Variants in ATP1B3 observed in about 807,000 individuals in gnomAD.
ATP1B3 encodes ATPase Na+/K+ transporting subunit beta 3.
ATP1B3 carries 10 observed loss-of-function variants against 30.2 expected under a neutral mutation model. The observed-to-expected ratio is 0.33, with a 90% CI of 0.20 to 0.56. The LOEUF (loss-of-function observed/expected upper bound fraction) is 0.56, where lower values mean the gene tolerates loss of function less well. ATP1B3 is among the 20% of genes least tolerant of loss of function. The pLI is 0.90. For synonymous variants in ATP1B3, 113 were observed against 117.0 expected, an observed-to-expected ratio of 0.97 and a Z score of 0.22; for missense variants, 238 against 336.7, an observed-to-expected ratio of 0.71 and a Z score of 2.29.
intron 6 of ATP1B3, among the ~76,000 whole-genome samples, chr3:141,925,096 A>T (rs1934632806): frequency 6.6e-6 from 1 of 152,212 alleles, no homozygotes; most frequent in African/African-American, 2.4e-5. Flanking sequence ...TTTTATCAGT[A>T]ATTACAGGTA....
At chr3:141,924,303 C>T (rs1197919452) in intron 6 of ATP1B3, among the ~76,000 whole-genome samples, 1 of 147,944 alleles carries the variant, frequency 6.8e-6, no homozygotes, top group Non-Finnish European at 1.5e-5. Context: ...GAGATTGCAC[C>T]ATTGCACTCC....
At chr3:141,884,377 C>G (rs2107927841) in intron 1 of ATP1B3, among the ~76,000 whole-genome samples, 1 of 152,260 alleles carries the variant, frequency 6.6e-6, no homozygotes. Flanking sequence ...TACTCATACT[C>G]CTGCTCCCAC....
In ATP1B3 at chr3:141,910,808, T is replaced by TC. The variant is rs539606585; in HGVS notation, c.347-2843dup. 2.1e-4 allele frequency among the ~76,000 whole-genome samples: 32 copies of TC among 151,712 alleles called. No individual in the cohort carries two copies. In the East Asian group the frequency reaches 6.0e-3, roughly 28 times the overall value. On this transcript the variant is annotated intron_variant, in intron 3 of 6. Coordinates refer to ENST00000286371, the MANE Select transcript of ATP1B3 (RefSeq NM_001679.4). ...CTTTTTTTTAATTATTTTTATTTTTTCTCTTAATTTACTCCTTAGTTTTGA... is the reference window on the plus strand; with the variant it reads ...CTTTTTTTTAATTATTTTTATTTTTTCCTCTTAATTTACTCCTTAGTTTTGA...
chr3:141,877,895 C>T (rs1034398548), intron 1 of ATP1B3, among the ~76,000 whole-genome samples: 6 of 144,082 alleles, frequency 4.2e-5, no homozygotes, highest in Non-Finnish European at 7.5e-5. Flanking sequence ...CCTTTTGAAA[C>T]ATTTTGTTAG....
intron 3 of ATP1B3, among the ~76,000 whole-genome samples, chr3:141,910,153 G>A (rs1436112200): frequency 6.6e-6 from 1 of 151,900 alleles, no homozygotes; most frequent in African/African-American, 2.4e-5. Context: ...TTAATTTTTT[G>A]TAGAGCTGGG....
At position 141,900,493 on chromosome 3, in the gene ATP1B3, A is replaced by G. The variant is rs868577769; in HGVS notation, c.110-3127A>G. On this transcript the variant is annotated intron_variant, in intron 1 of 6. Coordinates refer to ENST00000286371, the MANE Select transcript of ATP1B3 (RefSeq NM_001679.4). ...ATAATAAAACTGAAATCCTAATTTG[A>G]GCACTTACTTTCCTGAGCTCTGTGA... Among the ~76,000 whole-genome samples the G allele has an allele frequency of 1.3e-4, 20 of 152,316 alleles. 1 individual carries two copies. The Middle Eastern group carries it at 0.027, about 207-fold the overall frequency.
At chr3:141,884,882 G>T (rs1331490391) in intron 1 of ATP1B3, among the ~76,000 whole-genome samples, 4 of 152,020 alleles carry the variant, frequency 2.6e-5, no homozygotes, top group Admixed American at 2.0e-4. Context: ...TTCTTTCCTG[G>T]CAATGTCATA....
At chr3:141,907,834 T>TA (rs1376722577) in intron 3 of ATP1B3, among the ~76,000 whole-genome samples, 1 of 152,182 alleles carries the variant, frequency 6.6e-6, no homozygotes, top group East Asian at 1.9e-4. Flanking sequence ...TTCTGTCTTA[T>TA]AATAAGGACA....
At chr3:141,896,798 C>G (rs1934075489) in intron 1 of ATP1B3, among the ~76,000 whole-genome samples, 1 of 152,048 alleles carries the variant, frequency 6.6e-6, no homozygotes, top group African/African-American at 2.4e-5. Flanking sequence ...TTTCTTTGTT[C>G]TATTTGCTGA....
intron 1 of ATP1B3, among the ~76,000 whole-genome samples, chr3:141,888,916 A>G (rs562548183): frequency 2.6e-5 from 4 of 152,106 alleles, no homozygotes; most frequent in East Asian, 3.9e-4. Context: ...TCTTTCCTTT[A>G]TAAATTATCC....
intron 1 of ATP1B3, among the ~76,000 whole-genome samples, chr3:141,880,059 A>G (rs532567217): frequency 3.1e-3 from 474 of 151,854 alleles, no homozygotes; most frequent in Non-Finnish European, 5.5e-3. Context: ...TCCTGGTTTT[A>G]TTTTTACACA....
At position 141,903,740 on chromosome 3, in the gene ATP1B3, C is replaced by T. The variant is rs751215500; in HGVS notation, c.230C>T (p.Pro77Leu). Residue 77 changes from proline (P) to leucine (L), a missense_variant, in exon 2 of 7, where the codon CCT becomes CTT. Around this residue, in one of 3 missense-constraint regions of ATP1B3, gnomAD observed 130 missense variants for 148.8 expected, o/e 0.87. Transcript: ENST00000286371. ...DEVPKYRDQI[P>L]SPGLMVFPKP... ...GTTCCAAAATACCGTGACCAGATTC[C>T]TAGCCCAGGTAATTATCTTGCAGTT... is the stretch of plus-strand genomic sequence containing the variant. 1 of 1,613,624 alleles carries T rather than the reference C, an allele frequency of 6.2e-7. No homozygotes were observed. Among genetic ancestry groups the T allele is most frequent in the Non-Finnish European group, 8.5e-7 (1 of 1,179,834 alleles).
chr3:141,925,307 T>A (rs1934637728), intron 6 of ATP1B3, among the ~76,000 whole-genome samples: 1 of 151,966 alleles, frequency 6.6e-6, no homozygotes, highest in South Asian at 2.1e-4. Flanking sequence ...ACAAAAAAAT[T>A]TAAAAATTAG....
At chr3:141,904,981 G>T (rs930470878) in intron 2 of ATP1B3, among the ~76,000 whole-genome samples, 1 of 152,124 alleles carries the variant, frequency 6.6e-6, no homozygotes, top group African/African-American at 2.4e-5. Context: ...AAAGTGCTGG[G>T]ATTACAGGGG....
intron 5 of ATP1B3, among the ~76,000 whole-genome samples, chr3:141,917,500 C>T (rs933675824): frequency 1.1e-4 from 17 of 151,866 alleles, no homozygotes; most frequent in Admixed American, 9.8e-4. Flanking sequence ...TCGAGACCAT[C>T]CTGGCCAACA....
At chr3:141,899,422 G>T (rs917377090) in intron 1 of ATP1B3, among the ~76,000 whole-genome samples, 1 of 152,184 alleles carries the variant, frequency 6.6e-6, no homozygotes, top group African/African-American at 2.4e-5. Flanking sequence ...AATCTTTCTA[G>T]CATCTAGGTC....
At chr3:141,904,176 C>G (rs570784486) in intron 2 of ATP1B3, among the ~76,000 whole-genome samples, 12 of 152,260 alleles carry the variant, frequency 7.9e-5, no homozygotes, top group African/African-American at 2.4e-4. Flanking sequence ...AACCTTGGAG[C>G]TGAGTAATGT....
intron 3 of ATP1B3, among the ~76,000 whole-genome samples, chr3:141,909,132 A>G (rs1450160510): frequency 6.6e-6 from 1 of 152,148 alleles, no homozygotes; most frequent in East Asian, 1.9e-4. Context: ...CACATTATCT[A>G]CTAGCTGTCT....
At chr3:141,902,033 C>T in intron 1 of ATP1B3, 1 of 853,342 alleles carries the variant, frequency 1.2e-6, no homozygotes, top group Non-Finnish European at 1.7e-6. Flanking sequence ...AATTTCTCTT[C>T]TGTATCTTAT....
Sources: allele counts gnomAD v4.1 joint callset (sites outside exome capture counted in the v4.1 genomes callset), GRCh38; gene constraint gnomAD v4.1.1; regional missense constraint gnomAD v4.1.1; transcripts MANE v1.5; gene names NCBI Gene and HGNC (gene_info 2026-07-23, HGNC 2026-07-21).